Variants in SEC24D observed in about 807,000 individuals in gnomAD.
SEC24D encodes the protein SEC24 homolog D, COPII component, also known as protein transport protein Sec24D.
In SEC24D, 69 loss-of-function variants were observed where a neutral mutation model predicts 116.9. That is an observed-to-expected ratio of 0.59 (90% CI 0.49 to 0.72). The LOEUF (loss-of-function observed/expected upper bound fraction) is 0.72. SEC24D is among the 30% of genes least tolerant of loss of function. The pLI is 0.00. For synonymous variants in SEC24D, 405 were observed against 442.8 expected, an observed-to-expected ratio of 0.91 and a Z score of 1.07; for missense variants, 1,131 against 1,264.1, an observed-to-expected ratio of 0.89 and a Z score of 1.60.
At position 118,739,162 on chromosome 4, in the gene SEC24D, G is replaced by A. The variant is rs762711008; in HGVS notation, c.2364C>T (p.Phe788=). ...GCAAAGTGTTACCTGACTTGGCAAA[G>A]AAGTTGATAAGAGCATCTGTCTCAC... The part of the protein sequence containing the change: ...KSCETDALIN[F]FAKSAFKAVL... The change falls in exon 18 of 23, where the codon TTC becomes TTT. Residue 788 remains phenylalanine, a synonymous_variant. Coordinates refer to ENST00000280551, the MANE Select transcript of SEC24D (RefSeq NM_014822.4). The A allele has an allele frequency of 6.2e-7, 1 of 1,613,486 alleles. No homozygotes were observed. Among genetic ancestry groups the A allele is most frequent in the Non-Finnish European group, 8.5e-7 (1 of 1,179,608 alleles).
At chr4:118,793,214 T>A (rs1729011254) in intron 8 of SEC24D, among the ~76,000 whole-genome samples, 1 of 152,042 alleles carries the variant, frequency 6.6e-6, no homozygotes, top group South Asian at 2.1e-4. Flanking sequence ...ACGCCTGTAA[T>A]CCCAGCACTT....
At chr4:118,832,326 G>C (rs1487964828) in intron 2 of SEC24D, among the ~76,000 whole-genome samples, 1 of 152,178 alleles carries the variant, frequency 6.6e-6, no homozygotes, top group East Asian at 1.9e-4. Flanking sequence ...AAATACAAAA[G>C]AGGACAGACA....
chr4:118,742,462 T>A (rs1726275239), intron 15 of SEC24D, among the ~76,000 whole-genome samples: 1 of 152,126 alleles, frequency 6.6e-6, no homozygotes, highest in African/African-American at 2.4e-5. Context: ...TGTACCTCAA[T>A]ACCCAGAATG....
intron 8 of SEC24D, among the ~76,000 whole-genome samples, chr4:118,786,145 A>G (rs2110492275): frequency 6.6e-6 from 1 of 152,304 alleles, no homozygotes; most frequent in South Asian, 2.1e-4. Context: ...TCTAACTCCT[A>G]AATTCCTGCC....
intron 1 of SEC24D, among the ~76,000 whole-genome samples, chr4:118,834,923 T>C (rs1225072022): frequency 6.6e-6 from 1 of 152,240 alleles, no homozygotes; most frequent in African/African-American, 2.4e-5. Flanking sequence ...AAATTTGTGA[T>C]TTGATTTTGT....
intron 7 of SEC24D, among the ~76,000 whole-genome samples, chr4:118,800,619 G>A (rs574492015): frequency 2.6e-5 from 4 of 152,310 alleles, no homozygotes; most frequent in African/African-American, 7.2e-5. Flanking sequence ...GCATCTGAGA[G>A]AAGGGGAAGA....
chr4:118,787,890 G>A (rs1465223838), intron 8 of SEC24D, among the ~76,000 whole-genome samples: 2 of 152,112 alleles, frequency 1.3e-5, no homozygotes, highest in Non-Finnish European at 2.9e-5. Context: ...ATAGCTCACT[G>A]CAGTCTCACA....
intron 12 of SEC24D, among the ~76,000 whole-genome samples, 199 bp from the exon 13 acceptor site, chr4:118,752,288 A>G (rs1180022690): frequency 1.3e-5 from 2 of 152,210 alleles, no homozygotes; most frequent in African/African-American, 4.8e-5. Flanking sequence ...AACATTTACA[A>G]AATCATTCTT....
chr4:118,724,995 C>A (rs1258609639), intron 22 of SEC24D, among the ~76,000 whole-genome samples: 1 of 152,222 alleles, frequency 6.6e-6, no homozygotes, highest in East Asian at 1.9e-4. Context: ...GAGGGCAGGG[C>A]CCTCCCTACT....
intron 8 of SEC24D, among the ~76,000 whole-genome samples, chr4:118,777,887 C>G (rs1484682215): frequency 6.6e-6 from 1 of 152,214 alleles, no homozygotes; most frequent in Non-Finnish European, 1.5e-5. Context: ...TTTCATGTGT[C>G]TGTTGGCTCC....
At chr4:118,779,404 T>A (rs775206288) in intron 8 of SEC24D, among the ~76,000 whole-genome samples, 3 of 152,226 alleles carry the variant, frequency 2.0e-5, no homozygotes, top group Non-Finnish European at 4.4e-5. Context: ...ATGGATTACA[T>A]TTACTGATTT....
chr4:118,739,408 T>C (rs985068027), intron 17 of SEC24D, 121 bp from the exon 18 acceptor site: 4 of 845,750 alleles, frequency 4.7e-6, no homozygotes, highest in Middle Eastern at 3.2e-4. Context: ...CTAACTATTT[T>C]TCCACAGTTT....
chr4:118,806,098 C>T (rs1729663792), intron 6 of SEC24D, 144 bp from the exon 7 acceptor site: 1 of 589,710 alleles, frequency 1.7e-6, no homozygotes. Flanking sequence ...CACAGTCTCA[C>T]ACACTCACAC....
In SEC24D at chr4:118,803,541, A is replaced by G. The variant is rs188804125; in HGVS notation, c.913+2302T>C. ...GACCTCACATTTAAGTTCCCATGGC[A>G]ACATGTGTTTTATCTTTCTAATATA... is the stretch of plus-strand genomic sequence containing the variant. On this transcript the variant is annotated intron_variant, in intron 7 of 22. Transcript: ENST00000280551. Among the ~76,000 whole-genome samples, 33 of 152,306 alleles carry G rather than the reference A, an allele frequency of 2.2e-4. No individual in the cohort carries two copies. The East Asian group carries it at 6.4e-3, about 29-fold the overall frequency.
chr4:118,784,726 A>G (rs1380976609), intron 8 of SEC24D, among the ~76,000 whole-genome samples: 2 of 146,320 alleles, frequency 1.4e-5, no homozygotes, highest in African/African-American at 5.0e-5. Context: ...TACTGCTCAT[A>G]ACATCCTTCC....
At chr4:118,835,652 G>T (rs1226777713) in intron 1 of SEC24D, among the ~76,000 whole-genome samples, 2 of 152,206 alleles carry the variant, frequency 1.3e-5, no homozygotes, top group African/African-American at 4.8e-5. Flanking sequence ...AATGACACTC[G>T]AATGGTGGCC....
At chr4:118,823,051 A>C (rs1429349543) in intron 3 of SEC24D, among the ~76,000 whole-genome samples, 1 of 152,162 alleles carries the variant, frequency 6.6e-6, no homozygotes, top group Non-Finnish European at 1.5e-5. Flanking sequence ...AAATGAGGAC[A>C]GGCATGGTCA....
At chr4:118,743,388 T>C (rs1048312074) in intron 15 of SEC24D, among the ~76,000 whole-genome samples, 2 of 151,992 alleles carry the variant, frequency 1.3e-5, no homozygotes, top group African/African-American at 4.8e-5. Flanking sequence ...CAGTTGTCTC[T>C]CGTTATCTGT....
chr4:118,797,646 G>A, intron 8 of SEC24D, 37 bp downstream of exon 8: 1 of 1,468,116 alleles, frequency 6.8e-7, no homozygotes, highest in Non-Finnish European at 9.2e-7. Flanking sequence ...TTTTGGAATT[G>A]ATAAATTATT....
Sources: allele counts gnomAD v4.1 joint callset (sites outside exome capture counted in the v4.1 genomes callset), GRCh38; gene constraint gnomAD v4.1.1; transcripts MANE v1.5; gene names NCBI Gene and HGNC (gene_info 2026-07-23, HGNC 2026-07-21).